CHIC2: variants seen among roughly 807,000 people sequenced by gnomAD.
The protein encoded by CHIC2 is cysteine-rich hydrophobic domain-containing protein 2.
In CHIC2, 14 loss-of-function variants were observed where a neutral mutation model predicts 25.9. That is an observed-to-expected ratio of 0.54 (90% confidence interval 0.36 to 0.85). The LOEUF (loss-of-function observed/expected upper bound fraction) is 0.85. CHIC2 is among the 40% of genes least tolerant of loss of function. The probability of loss-of-function intolerance (pLI) is 0.01; values close to 1 mark genes in which losing one functional copy is unlikely to be tolerated. For synonymous variants in CHIC2, 70 were observed against 72.0 expected (o/e 0.97, Z 0.14); for missense variants, 146 against 202.0 (o/e 0.72, Z 1.68).
chr4:54,013,729 T>C (rs947436720), intron 5 of CHIC2, 108 bp downstream of exon 5: 58 of 1,089,806 alleles, frequency 5.3e-5, no homozygotes, highest in Non-Finnish European at 7.6e-5. Context: ...ACTCAGGAGA[T>C]TAAGCTCCTG....
intron 1 of CHIC2, among the ~76,000 whole-genome samples, chr4:54,058,559 T>TACACACACACACACACACACAC (rs36034143): frequency 2.9e-5 from 4 of 138,476 alleles, no homozygotes; most frequent in East Asian, 2.1e-4. Context: ...TACACACACA[T>TACACACACACACACACACACAC]ACACACACAC....
chr4:54,080,711 G>A, the CHIC2 span, among the ~76,000 whole-genome samples: 6 of 148,308 alleles, frequency 4.0e-5, no homozygotes, highest in African/African-American at 1.2e-4. Context: ...GGCCGAGATC[G>A]CACCACTGGA....
chr4:54,046,909 G>A (rs1716843819), intron 3 of CHIC2, among the ~76,000 whole-genome samples: 1 of 152,144 alleles, frequency 6.6e-6, no homozygotes, highest in African/African-American at 2.4e-5. Flanking sequence ...ATCTGACAAA[G>A]GGCTAATATC....
chr4:54,084,694 C>T, the CHIC2 span, among the ~76,000 whole-genome samples: 2 of 151,988 alleles, frequency 1.3e-5, no homozygotes, highest in South Asian at 2.1e-4. Flanking sequence ...AATCCCAGTA[C>T]GTTGGGAGGC....
intron 3 of CHIC2, among the ~76,000 whole-genome samples, chr4:54,023,730 T>C (rs1464262934): frequency 6.6e-6 from 1 of 152,184 alleles, no homozygotes; most frequent in African/African-American, 2.4e-5. Flanking sequence ...CCCTCTCCAC[T>C]ACCTCTCAGC....
intron 3 of CHIC2, among the ~76,000 whole-genome samples, chr4:54,034,497 G>A (rs1716325029): frequency 6.6e-6 from 1 of 151,626 alleles, no homozygotes; most frequent in Admixed American, 6.6e-5. Context: ...GTGGTATTTT[G>A]TAGATTTTAG....
chr4:54,030,701 CTT>C (rs1329895977), intron 3 of CHIC2, among the ~76,000 whole-genome samples: 2 of 113,808 alleles, frequency 1.8e-5, no homozygotes, highest in Admixed American at 9.7e-5. Flanking sequence ...AGGTTTTGCT[CTT>C]GTTGCCCAGG....
At chr4:54,082,943 A>G in the CHIC2 span, among the ~76,000 whole-genome samples, 9 of 152,036 alleles carry the variant, frequency 5.9e-5, no homozygotes, top group Admixed American at 1.3e-4. Flanking sequence ...TATTGCTTCA[A>G]ATATTATATA....
the CHIC2 span, among the ~76,000 whole-genome samples, chr4:54,072,505 C>T: frequency 9.9e-5 from 15 of 152,154 alleles, no homozygotes; most frequent in Non-Finnish European, 2.1e-4. Context: ...CTGCATCACA[C>T]GGTACTTCCT....
At chr4:54,086,231 T>G in the CHIC2 span, among the ~76,000 whole-genome samples, 1 of 152,020 alleles carries the variant, frequency 6.6e-6, no homozygotes, top group Non-Finnish European at 1.5e-5. Flanking sequence ...TGCAACCAGC[T>G]TGCAAAATGC....
chr4:54,026,552 T>A (rs1210877143), intron 3 of CHIC2, among the ~76,000 whole-genome samples: 1 of 152,190 alleles, frequency 6.6e-6, no homozygotes, highest in Admixed American at 6.5e-5. Context: ...GAACTTTTCT[T>A]TTTTACAGAT....
At chr4:54,082,837 A>G in the CHIC2 span, among the ~76,000 whole-genome samples, 1 of 152,140 alleles carries the variant, frequency 6.6e-6, no homozygotes, top group Non-Finnish European at 1.5e-5. Flanking sequence ...ATATCACATA[A>G]TATATTCAAA....
intron 3 of CHIC2, among the ~76,000 whole-genome samples, chr4:54,025,561 G>A (rs1377734015): frequency 6.6e-6 from 1 of 152,116 alleles, no homozygotes; most frequent in Non-Finnish European, 1.5e-5. Flanking sequence ...GGACCAACAG[G>A]TAGAAAAGGG....
At chr4:54,028,842 C>T (rs192225619) in intron 3 of CHIC2, among the ~76,000 whole-genome samples, 237 of 152,194 alleles carry the variant, frequency 1.6e-3, no homozygotes, top group African/African-American at 5.4e-3. Context: ...AGTCAAACAT[C>T]GACTGGGCGC....
chr4:54,018,347 T>C (rs1167001116), intron 3 of CHIC2, among the ~76,000 whole-genome samples: 1 of 152,168 alleles, frequency 6.6e-6, no homozygotes, highest in East Asian at 1.9e-4. Flanking sequence ...TAATTTTTCC[T>C]AAATACTGTA....
intron 1 of CHIC2, chr4:54,059,855 T>C (rs894313194): frequency 2.0e-5 from 3 of 152,136 alleles, no homozygotes; most frequent in African/African-American, 4.8e-5. Flanking sequence ...GAAAGATCAA[T>C]AGACACAACC....
At chr4:54,030,535 A>T (rs142466673) in intron 3 of CHIC2, among the ~76,000 whole-genome samples, 38,463 of 140,312 alleles carry the variant, frequency 0.27, 5,224 homozygotes, top group Middle Eastern at 0.38. Flanking sequence ...AAAAAAAAAA[A>T]AAATATATAT....
At chr4:54,043,796 C>T (rs546096416) in intron 3 of CHIC2, among the ~76,000 whole-genome samples, 1 of 152,280 alleles carries the variant, frequency 6.6e-6, no homozygotes, top group Admixed American at 6.5e-5. Flanking sequence ...CAAATTCACA[C>T]ATAACAATAA....
intron 3 of CHIC2, among the ~76,000 whole-genome samples, chr4:54,041,792 G>A (rs1716584570): frequency 6.6e-6 from 1 of 151,794 alleles, no homozygotes; most frequent in Non-Finnish European, 1.5e-5. Flanking sequence ...CCATCAAAAG[G>A]ATTTATGGCA....
Sources: allele counts gnomAD v4.1 joint callset (sites outside exome capture counted in the v4.1 genomes callset), GRCh38; gene constraint gnomAD v4.1.1; transcripts MANE v1.5; gene names NCBI Gene and HGNC (gene_info 2026-07-23, HGNC 2026-07-21).